The following CTDSPL2 variants were observed in gnomAD, a reference collection of about 807,000 sequenced individuals.
CTDSPL2 encodes CTD small phosphatase-like protein 2.
Under a neutral mutation model 60.0 loss-of-function variants are expected in CTDSPL2, and 5 were observed. That is an observed-to-expected ratio of 0.08 (90% confidence interval 0.04 to 0.18). CTDSPL2 has a LOEUF of 0.18. Among genes scored for constraint, CTDSPL2 ranks in the 10% least tolerant of loss-of-function variants. The pLI, the probability that CTDSPL2 is intolerant of heterozygous loss-of-function variation, is 1.00. For missense variants in CTDSPL2, 370 were observed against 548.8 expected, an observed-to-expected ratio of 0.67 and a Z score of 3.26; for synonymous variants, 186 against 189.3, an observed-to-expected ratio of 0.98 and a Z score of 0.14.
chr15:44,504,746 T>C (rs1047817124), intron 8 of CTDSPL2, among the ~76,000 whole-genome samples: 1 of 151,636 alleles, frequency 6.6e-6, no homozygotes, highest in African/African-American at 2.4e-5. Context: ...GGGGAGCACC[T>C]ATAGTCCCAG....
chr15:44,456,915 C>T (rs1595715349), intron 1 of CTDSPL2, among the ~76,000 whole-genome samples: 5 of 136,744 alleles, frequency 3.7e-5, no homozygotes, highest in Admixed American at 1.6e-4. Flanking sequence ...CTCTCACTGT[C>T]GCCCAGGCTG....
In CTDSPL2 at chr15:44,483,244, CAG is replaced by C. The variant is rs2081061189; in HGVS notation, c.187-977_187-976del. On this transcript the variant is annotated intron_variant, in intron 2 of 12. Transcript: ENST00000260327. ...TGCCACTGCACTCTAGCCTGGGTGA[CAG>C]AGTCAGACTCTGTCTCAAAAAAAAA... 3.5e-5 allele frequency among the ~76,000 whole-genome samples: 5 copies of C among 142,512 alleles called. No homozygotes were observed. The South Asian group carries it at 1.1e-3, about 31-fold the overall frequency. The allele number at this position is 142,512 out of a possible 152,430, so 93.5% of individuals were successfully genotyped here. A position where few individuals can be genotyped will look rare whatever the true frequency, so the allele number is the denominator to read the frequency against.
Position 44,432,424 on chromosome 15 carries a change from A to G in CTDSPL2, c.-25+4652A>G, listed in dbSNP as rs566995919. Among the ~76,000 whole-genome samples the G allele has an allele frequency of 1.8e-4, 28 of 151,520 alleles. No individual in the cohort carries two copies. The East Asian group carries it at 4.3e-3, about 23-fold the overall frequency. On this transcript the variant is annotated intron_variant, in intron 1 of 12. Coordinates refer to ENST00000260327, the MANE Select transcript of CTDSPL2 (RefSeq NM_016396.3). ...AACCTCCGCCTCCCGGGTTCAAGCAATTCTCCCGCTTCAGCCTCCCAGGTA... is the reference window on the plus strand; with the variant it reads ...AACCTCCGCCTCCCGGGTTCAAGCAGTTCTCCCGCTTCAGCCTCCCAGGTA...
intron 8 of CTDSPL2, among the ~76,000 whole-genome samples, chr15:44,513,582 A>G (rs185912256): frequency 1.3e-5 from 2 of 152,330 alleles, no homozygotes; most frequent in East Asian, 3.9e-4. Flanking sequence ...GTGTGCATGT[A>G]TATGGATGCC....
chr15:44,498,660 G>A (rs536701643), intron 7 of CTDSPL2, among the ~76,000 whole-genome samples: 63 of 152,218 alleles, frequency 4.1e-4, no homozygotes, highest in African/African-American at 1.5e-3. Context: ...AGCACTTTGG[G>A]AGGCCAAGGC....
At chr15:44,512,627 C>G (rs1327162717) in intron 8 of CTDSPL2, among the ~76,000 whole-genome samples, 2 of 152,154 alleles carry the variant, frequency 1.3e-5, no homozygotes, top group Non-Finnish European at 2.9e-5. Context: ...ATCAAGGCTA[C>G]AAACTACACC....
chr15:44,444,103 C>G (rs1176749832), intron 1 of CTDSPL2, among the ~76,000 whole-genome samples: 2 of 151,888 alleles, frequency 1.3e-5, no homozygotes, highest in Non-Finnish European at 2.9e-5. Context: ...TGGGGTCTCA[C>G]CTTGTTGCTC....
At chr15:44,508,334 C>T (rs2081507148) in intron 8 of CTDSPL2, among the ~76,000 whole-genome samples, 1 of 152,060 alleles carries the variant, frequency 6.6e-6, no homozygotes, top group African/African-American at 2.4e-5. Flanking sequence ...ATCCTTTCAC[C>T]TCGGCCTCCC....
chr15:44,444,420 C>G (rs976815608), intron 1 of CTDSPL2, among the ~76,000 whole-genome samples: 13 of 151,938 alleles, frequency 8.6e-5, no homozygotes, highest in Non-Finnish European at 1.5e-4. Flanking sequence ...TCTCAGCTCA[C>G]TGCAACCTCT....
intron 4 of CTDSPL2, among the ~76,000 whole-genome samples, chr15:44,487,662 T>G (rs1456868477): frequency 6.6e-6 from 1 of 152,106 alleles, no homozygotes; most frequent in Non-Finnish European, 1.5e-5. Flanking sequence ...TTGTAATTGA[T>G]GGAACATTGC....
chr15:44,470,737 C>A (rs1320552156), intron 2 of CTDSPL2, among the ~76,000 whole-genome samples: 1 of 152,116 alleles, frequency 6.6e-6, no homozygotes, highest in East Asian at 1.9e-4. Flanking sequence ...TGTGAGCCAC[C>A]ACGCCTGGCC....
chr15:44,508,872 C>T (rs570200438), intron 8 of CTDSPL2, among the ~76,000 whole-genome samples: 1 of 152,148 alleles, frequency 6.6e-6, no homozygotes, highest in African/African-American at 2.4e-5. Context: ...GAGCTGAAAT[C>T]GCACCACTGC....
chr15:44,445,936 C>CTTT (rs1331359164), intron 1 of CTDSPL2, among the ~76,000 whole-genome samples: 3 of 124,074 alleles, frequency 2.4e-5, no homozygotes. Flanking sequence ...TGTGCCTGGC[C>CTTT]TTTTTTTTTT....
At position 44,506,968 on chromosome 15, in the gene CTDSPL2, C is replaced by G. The variant is rs566678455; in HGVS notation, c.969+7155C>G. ...ATTTTTAGTAGAGACAGGGTTTCAC[C>G]GTGTAAGCCAGGACGGTCTCAATCT... On this transcript the variant is annotated intron_variant, in intron 8 of 12. Transcript: ENST00000260327. Among the ~76,000 whole-genome samples, 5 of 150,802 alleles carry G rather than the reference C, an allele frequency of 3.3e-5. 1 individual carries two copies. Among genetic ancestry groups the G allele is most frequent in the Middle Eastern group, 6.9e-3 (2 of 288 alleles).
chr15:44,496,187 A>G (rs756832322), intron 5 of CTDSPL2, among the ~76,000 whole-genome samples, 193 bp from the exon 6 acceptor site: 2 of 152,080 alleles, frequency 1.3e-5, no homozygotes, highest in South Asian at 2.1e-4. Flanking sequence ...CATTTTTTCT[A>G]TAGTGGTCAT....
intron 2 of CTDSPL2, among the ~76,000 whole-genome samples, chr15:44,475,761 C>T (rs2080904268): frequency 6.6e-6 from 1 of 151,880 alleles, no homozygotes; most frequent in South Asian, 2.1e-4. Context: ...TTTTAAAAAA[C>T]TCATTCTCAA....
At chr15:44,437,095 G>A (rs2079994167) in intron 1 of CTDSPL2, among the ~76,000 whole-genome samples, 2 of 152,126 alleles carry the variant, frequency 1.3e-5, no homozygotes, top group African/African-American at 2.4e-5. Context: ...TGACTGACTC[G>A]TCACATTAAG....
chr15:44,464,669 G>A (rs1258935918), intron 2 of CTDSPL2, among the ~76,000 whole-genome samples: 1 of 152,048 alleles, frequency 6.6e-6, no homozygotes, highest in African/African-American at 2.4e-5. Flanking sequence ...ACAGACACTG[G>A]TCATACTTCT....
chr15:44,498,997 C>A (rs143472544), intron 7 of CTDSPL2, among the ~76,000 whole-genome samples: 81 of 152,308 alleles, frequency 5.3e-4, no homozygotes, highest in African/African-American at 1.8e-3. Flanking sequence ...TCTACACTTA[C>A]ATTTGCTGAT....
Sources: gnomAD v4.1 joint callset for allele counts (sites outside exome capture counted in the v4.1 genomes callset) on GRCh38, gnomAD v4.1.1 for gene constraint, MANE v1.5 for transcripts, NCBI Gene and HGNC (gene_info 2026-07-23, HGNC 2026-07-21) for gene names.